The following ENTPD1 variants were observed in gnomAD, a reference collection of about 807,000 sequenced individuals.
ENTPD1 encodes ectonucleoside triphosphate diphosphohydrolase 1.
ENTPD1 carries 33 observed loss-of-function variants against 57.0 expected under a neutral mutation model. That is an observed-to-expected ratio of 0.58 (90% confidence interval 0.44 to 0.77). The LOEUF (loss-of-function observed/expected upper bound fraction) is 0.77, where lower values mean the gene tolerates loss of function less well. Among genes scored for constraint, ENTPD1 ranks in the 30% least tolerant of loss-of-function variants. The pLI is 0.00. For missense variants in ENTPD1, 501 were observed against 603.4 expected (o/e 0.83, Z 1.78); for synonymous variants, 202 against 218.8 (o/e 0.92, Z 0.68).
upstream of ENTPD1, among the ~76,000 whole-genome samples, chr10:95,750,753 G>A (rs762837102): frequency 3.3e-5 from 5 of 152,146 alleles, no homozygotes; most frequent in African/African-American, 9.7e-5. Flanking sequence ...GGCCAGGCGC[G>A]GTGGCTCACG....
At chr10:95,737,255 A>G (rs1292545597) in intron 1 of ENTPD1, among the ~76,000 whole-genome samples, 1 of 152,210 alleles carries the variant, frequency 6.6e-6, no homozygotes, top group Non-Finnish European at 1.5e-5. Flanking sequence ...CAATGATGTC[A>G]TATGTAAATC....
intron 1 of ENTPD1, among the ~76,000 whole-genome samples, chr10:95,785,467 G>A (rs985501916): frequency 1.3e-5 from 2 of 152,296 alleles, no homozygotes; most frequent in East Asian, 3.9e-4. Context: ...GTTGACTTTG[G>A]CTTAAGCAGC....
At chr10:95,705,793 A>G in the ENTPD1 span, among the ~76,000 whole-genome samples, 1 of 152,182 alleles carries the variant, frequency 6.6e-6, no homozygotes, top group Non-Finnish European at 1.5e-5. Context: ...CGCCAGGCCA[A>G]CTTAGACAAT....
At chr10:95,835,877 A>T (rs1339483842) in intron 2 of ENTPD1, among the ~76,000 whole-genome samples, 2 of 152,010 alleles carry the variant, frequency 1.3e-5, no homozygotes, top group African/African-American at 4.8e-5. Context: ...GCTTTTGAGG[A>T]CTTAGTCATA....
At chr10:95,777,590 A>G (rs2098138894) in intron 1 of ENTPD1, among the ~76,000 whole-genome samples, 1 of 152,196 alleles carries the variant, frequency 6.6e-6, no homozygotes, top group Non-Finnish European at 1.5e-5. Context: ...GGTGTCTCCC[A>G]GTTAGGCTAC....
intron 1 of ENTPD1, among the ~76,000 whole-genome samples, chr10:95,802,752 C>A (rs1290292126): frequency 1.3e-5 from 2 of 152,142 alleles, no homozygotes; most frequent in African/African-American, 4.8e-5. Context: ...ATGATGGTTT[C>A]CATCTTCATC....
At chr10:95,706,990 G>A (rs192731776), upstream of ENTPD1, among the ~76,000 whole-genome samples, 76 of 152,326 alleles carry the variant, frequency 5.0e-4, 1 homozygote, top group African/African-American at 1.5e-3. Flanking sequence ...AAGCCTGCAG[G>A]GACTGAGGGG....
At chr10:95,845,904 G>A (rs1044580302) in intron 6 of ENTPD1, 30 of 394,052 alleles carry the variant, frequency 7.6e-5, no homozygotes, top group African/African-American at 6.0e-4. Flanking sequence ...TTTGTTGGAG[G>A]GGGAATTGCA....
chr10:95,809,379 G>A (rs1589940539), intron 1 of ENTPD1, among the ~76,000 whole-genome samples: 1 of 150,666 alleles, frequency 6.6e-6, no homozygotes, highest in South Asian at 2.1e-4. Context: ...CGGCCGGGCA[G>A]AGGCGCCCCC....
intron 1 of ENTPD1, among the ~76,000 whole-genome samples, chr10:95,768,881 T>C (rs1027245121): frequency 1.3e-5 from 2 of 152,226 alleles, no homozygotes; most frequent in African/African-American, 4.8e-5. Flanking sequence ...TATGTATGGA[T>C]GAATGTGTTT....
intron 1 of ENTPD1, among the ~76,000 whole-genome samples, chr10:95,726,189 T>C (rs1034916077): frequency 1.3e-5 from 2 of 152,244 alleles, no homozygotes; most frequent in Non-Finnish European, 2.9e-5. Flanking sequence ...TGCTTGATAA[T>C]AGAAACCTTA....
At chr10:95,745,645 A>T (rs910100408) in intron 1 of ENTPD1, among the ~76,000 whole-genome samples, 1 of 152,230 alleles carries the variant, frequency 6.6e-6, no homozygotes, top group Non-Finnish European at 1.5e-5. Context: ...GGCAAGAGAG[A>T]GGAAGTAGTT....
At chr10:95,714,361 C>T (rs955659165) in intron 1 of ENTPD1, among the ~76,000 whole-genome samples, 4 of 151,966 alleles carry the variant, frequency 2.6e-5, no homozygotes, top group East Asian at 1.9e-4. Context: ...AATAAATAAA[C>T]GTTAAAGTTT....
rs2098474873 is a variant in ENTPD1, at chr10:95,866,637, G to C, written c.*254G>C. On this transcript the variant is annotated 3_prime_UTR_variant, in exon 10 of 10. Transcript: ENST00000371205. Reference sequence around the variant, plus strand: ...CCTTTCTCCTTTGTACTTTGTGCTTGTATAGGTTTTAAAGACCTGACACCT... The same window carrying C: ...CCTTTCTCCTTTGTACTTTGTGCTTCTATAGGTTTTAAAGACCTGACACCT... 5 of 1,329,326 alleles carry C rather than the reference G, an allele frequency of 3.8e-6. No homozygotes were observed. The highest frequency in any genetic ancestry group is 4.8e-6 in the Non-Finnish European group (5 of 1,034,512). The allele number at this position is 1,329,326 out of a possible 1,614,324, so 82.3% of individuals were successfully genotyped here.
chr10:95,770,215 C>T (rs745437460), intron 1 of ENTPD1, among the ~76,000 whole-genome samples: 1 of 148,426 alleles, frequency 6.7e-6, no homozygotes, highest in Non-Finnish European at 1.5e-5. Flanking sequence ...GAAGAGAAAC[C>T]GTCCAAGAAG....
intron 1 of ENTPD1, among the ~76,000 whole-genome samples, chr10:95,799,923 A>T (rs577392476): frequency 6.6e-6 from 1 of 152,242 alleles, no homozygotes; most frequent in East Asian, 1.9e-4. Flanking sequence ...GGCCACATGT[A>T]TGCTTTATTC....
chr10:95,748,084 C>T lies in ENTPD1; in HGVS notation c.37+36091C>T, dbSNP rs181771395. 3.6e-4 allele frequency among the ~76,000 whole-genome samples: 54 copies of T among 152,054 alleles called. 1 individual carries two copies. In the East Asian group the frequency reaches 9.7e-3, roughly 27 times the overall value. On this transcript the variant is annotated intron_variant, in intron 1 of 9. Coordinates refer to the ENTPD1 transcript ENST00000453258. ...GAGACGGAATTTCACTGTGTTAGCC[C>T]GGGTGGCCTTGATCTCCTGACCTCG...
chr10:95,748,432 A>G (rs2098008377), intron 1 of ENTPD1, among the ~76,000 whole-genome samples: 1 of 152,222 alleles, frequency 6.6e-6, no homozygotes. Flanking sequence ...CATAGAAAGT[A>G]GAGAGAATAA....
chr10:95,731,627 C>T (rs1254270668), intron 1 of ENTPD1, among the ~76,000 whole-genome samples: 1 of 152,052 alleles, frequency 6.6e-6, no homozygotes, highest in Admixed American at 6.6e-5. Flanking sequence ...AAATTTCTCT[C>T]TTTCTGTTCC....
Sources: allele counts gnomAD v4.1 joint callset (sites outside exome capture counted in the v4.1 genomes callset), GRCh38; gene constraint gnomAD v4.1.1; transcripts MANE v1.5; gene names NCBI Gene and HGNC (gene_info 2026-07-23, HGNC 2026-07-21).